SDK1: variants seen among roughly 807,000 people sequenced by gnomAD.
SDK1 encodes sidekick cell adhesion molecule 1, also known as protein sidekick-1.
In SDK1, 157 loss-of-function variants were observed where a neutral mutation model predicts 245.5. The ratio of observed to expected loss-of-function variants is 0.64; its 90% CI spans 0.56 to 0.73. The LOEUF is 0.73. Among genes scored for constraint, SDK1 ranks in the 30% least tolerant of loss-of-function variants. The pLI is 0.00. For missense variants in SDK1, 3,583 were observed against 3,002.3 expected (o/e 1.19, Z -4.52); for synonymous variants, 1,647 against 1,278.5 (o/e 1.29, Z -6.15).
At chr7:3,568,334 A>G (rs919395845) in intron 1 of SDK1, among the ~76,000 whole-genome samples, 1 of 152,146 alleles carries the variant, frequency 6.6e-6, no homozygotes, top group Non-Finnish European at 1.5e-5. Context: ...GATGAAAATA[A>G]TGTTGTTCTT....
intron 19 of SDK1, among the ~76,000 whole-genome samples, chr7:4,056,585 C>T (rs921830684): frequency 6.6e-6 from 1 of 152,074 alleles, no homozygotes; most frequent in African/African-American, 2.4e-5. Context: ...GGGAGAGACC[C>T]CCGTGGTCCA....
At chr7:3,960,862 T>C (rs578235582) in intron 8 of SDK1, among the ~76,000 whole-genome samples, 1 of 152,326 alleles carries the variant, frequency 6.6e-6, no homozygotes, top group East Asian at 1.9e-4. Context: ...CCAACAACTC[T>C]GTGAATGTGA....
At chr7:3,961,988 CAA>C (rs1347741868) in intron 8 of SDK1, among the ~76,000 whole-genome samples, 18 of 150,752 alleles carry the variant, frequency 1.2e-4, no homozygotes, top group Admixed American at 1.1e-3. Flanking sequence ...CATATATGCA[CAA>C]ACACACACAC....
At chr7:3,861,218 T>C (rs745747999) in intron 5 of SDK1, among the ~76,000 whole-genome samples, 3 of 152,190 alleles carry the variant, frequency 2.0e-5, no homozygotes, top group Non-Finnish European at 4.4e-5. Flanking sequence ...GCCTATTATG[T>C]AGCTAGGATG....
chr7:3,418,850 C>G (rs7806128), intron 1 of SDK1, among the ~76,000 whole-genome samples: 22,801 of 152,132 alleles, frequency 0.15, 1,700 homozygotes, highest in South Asian at 0.21. Flanking sequence ...CTCCCCTACC[C>G]CTCGCCTATG....
chr7:3,607,770 C>A (rs561957884), intron 1 of SDK1, among the ~76,000 whole-genome samples: 16 of 152,326 alleles, frequency 1.1e-4, no homozygotes, highest in African/African-American at 2.4e-4. Context: ...TAGGAAGATG[C>A]AATTTCATTC....
intron 1 of SDK1, among the ~76,000 whole-genome samples, chr7:3,557,751 T>G (rs1779633415): frequency 6.6e-6 from 1 of 152,146 alleles, no homozygotes; most frequent in African/African-American, 2.4e-5. Context: ...TGTTATTATC[T>G]CAGTTAAATT....
chr7:4,110,629 T>C lies in SDK1; in HGVS notation c.3325-34T>C. 9 of 1,469,744 alleles carry C rather than the reference T, an allele frequency of 6.1e-6. No homozygotes were observed. The South Asian group carries it at 1.0e-4, about 17-fold the overall frequency. 91.0% of individuals were successfully genotyped at this position (1,469,744 alleles called of 1,614,324 possible). On this transcript the variant is annotated intron_variant, in intron 22 of 44. Coordinates refer to ENST00000404826, the MANE Select transcript of SDK1 (RefSeq NM_152744.4). ...CATGGCAGCCTCAGTCCCTAAGGCA[T>C]GTCCAGCCCATCTCAGTGTCTCCCT...
At position 3,524,319 on chromosome 7, in the gene SDK1, A is replaced by G. The variant is rs73303045; in HGVS notation, c.299-94761A>G. Among the ~76,000 whole-genome samples, 1,287 of 152,222 alleles carry G rather than the reference A, an allele frequency of 8.5e-3. 24 individuals are homozygous for G. Among genetic ancestry groups the G allele is most frequent in the African/African-American group, 0.029 (1,209 of 41,540 alleles). On this transcript the variant is annotated intron_variant, in intron 1 of 44. Transcript: ENST00000404826. ...CAAAATCCTACTTAGGTTTTAACAA[A>G]ATTACTGTGGTTGCGGTGTTGAGAA... is the stretch of plus-strand genomic sequence containing the variant.
chr7:3,434,142 T>G (rs1418831571), intron 1 of SDK1, among the ~76,000 whole-genome samples: 2 of 152,154 alleles, frequency 1.3e-5, no homozygotes, highest in Non-Finnish European at 2.9e-5. Flanking sequence ...TTTTGGCGTA[T>G]TTTGTGATGA....
intron 29 of SDK1, among the ~76,000 whole-genome samples, chr7:4,148,256 A>G (rs1474143330): frequency 1.3e-5 from 2 of 152,238 alleles, no homozygotes; most frequent in Non-Finnish European, 2.9e-5. Flanking sequence ...CTGGGGGCCG[A>G]CAATCAATTG....
chr7:4,255,592 G>T (rs1787572113), intron 44 of SDK1, among the ~76,000 whole-genome samples: 1 of 152,196 alleles, frequency 6.6e-6, no homozygotes, highest in African/African-American at 2.4e-5. Context: ...CTGGATGCGG[G>T]ACAGGAGCCC....
intron 1 of SDK1, among the ~76,000 whole-genome samples, chr7:3,568,498 A>T (rs1171972828): frequency 1.3e-5 from 2 of 152,192 alleles, no homozygotes; most frequent in African/African-American, 4.8e-5. Flanking sequence ...AAAATGATTA[A>T]CATTCAAGAA....
intron 4 of SDK1, among the ~76,000 whole-genome samples, chr7:3,727,772 T>C (rs921190541): frequency 1.1e-4 from 16 of 152,136 alleles, no homozygotes; most frequent in African/African-American, 3.6e-4. Context: ...ATTGCAGACA[T>C]GAGCCACCGC....
At chr7:3,910,861 T>A (rs1779138138) in intron 5 of SDK1, among the ~76,000 whole-genome samples, 1 of 152,188 alleles carries the variant, frequency 6.6e-6, no homozygotes, top group Non-Finnish European at 1.5e-5. Flanking sequence ...GTCCGGATAA[T>A]CGGCATTCTG....
intron 5 of SDK1, among the ~76,000 whole-genome samples, chr7:3,834,360 G>A (rs551315052): frequency 7.9e-5 from 12 of 152,314 alleles, no homozygotes; most frequent in South Asian, 6.2e-4. Context: ...AGAGGCTGGC[G>A]CACCAGGAAA....
intron 4 of SDK1, among the ~76,000 whole-genome samples, chr7:3,648,905 G>C (rs376982056): frequency 1.2e-4 from 18 of 152,154 alleles, no homozygotes; most frequent in African/African-American, 4.1e-4. Context: ...CGATGAAAAG[G>C]GTTTTCTAAT....
chr7:3,535,146 C>T (rs1041471788), intron 1 of SDK1, among the ~76,000 whole-genome samples: 5 of 152,022 alleles, frequency 3.3e-5, no homozygotes, highest in Admixed American at 6.5e-5. Context: ...CATGGTGATA[C>T]GCACCTGTAA....
intron 22 of SDK1, among the ~76,000 whole-genome samples, chr7:4,100,644 A>C (rs1108128): frequency 6.6e-6 from 1 of 151,968 alleles, no homozygotes; most frequent in African/African-American, 2.4e-5. Context: ...AGTCCTCACC[A>C]GGACCCACCC....
Sources: gnomAD v4.1 joint callset for allele counts (sites outside exome capture counted in the v4.1 genomes callset) on GRCh38, gnomAD v4.1.1 for gene constraint, MANE v1.5 for transcripts, NCBI Gene and HGNC (gene_info 2026-07-23, HGNC 2026-07-21) for gene names.